Variants in NOL4 observed in about 807,000 individuals in gnomAD.
NOL4 encodes cancer/testis antigen 125.
A neutral mutation model predicts 75.9 loss-of-function variants in NOL4; 17 were observed. The ratio of observed to expected loss-of-function variants is 0.22; its 90% confidence interval spans 0.15 to 0.34. The LOEUF (loss-of-function observed/expected upper bound fraction) is 0.34. Among genes scored for constraint, NOL4 ranks in the 10% least tolerant of loss-of-function variants. The pLI is 1.00. For synonymous variants in NOL4, 292 were observed against 289.9 expected, an observed-to-expected ratio of 1.01 and a Z score of -0.07; for missense variants, 614 against 793.5, an observed-to-expected ratio of 0.77 and a Z score of 2.72.
At chr18:34,135,534 A>G (rs2145942795) in intron 1 of NOL4, among the ~76,000 whole-genome samples, 1 of 151,862 alleles carries the variant, frequency 6.6e-6, no homozygotes, top group Admixed American at 6.6e-5. Flanking sequence ...TGTCTCTACT[A>G]AAAATACAAA....
At chr18:33,908,881 T>C (rs920688231) in intron 9 of NOL4, among the ~76,000 whole-genome samples, 4 of 152,132 alleles carry the variant, frequency 2.6e-5, no homozygotes, top group Non-Finnish European at 5.9e-5. Context: ...TGCTCTTTGT[T>C]AATATTCCCT....
chr18:34,176,834 G>A (rs1277472715), intron 1 of NOL4, among the ~76,000 whole-genome samples: 2 of 151,988 alleles, frequency 1.3e-5, no homozygotes, highest in African/African-American at 2.4e-5. Context: ...CCAAGTGTAT[G>A]GTATTTTGTT....
chr18:33,883,323 A>C lies in NOL4; in HGVS notation c.1644T>G (p.Asn548Lys). 2 of 1,613,284 alleles carry C rather than the reference A, an allele frequency of 1.2e-6. No individual in the cohort carries two copies. The highest frequency in any genetic ancestry group is 1.7e-6 in the Non-Finnish European group (2 of 1,179,530). ...VPGSQDVLYI[N>K]GNGTYSYHSY... ...TATGGTAACTATAGGTCCCATTTCC[A>C]TTGATGTACAGCACGTCCTGTGAGC... Residue 548 changes from asparagine (N) to lysine (K), a missense_variant, in exon 10 of 11, where the codon AAT becomes AAG. By Grantham distance (94) the Asn-to-Lys change is moderately conservative (BLOSUM62 0). Around this residue, in one of 9 missense-constraint regions of NOL4, gnomAD observed 128 missense variants for 159.9 expected, o/e 0.80. Transcript: ENST00000261592.
chr18:34,057,154 T>G (rs2076865345), intron 5 of NOL4, among the ~76,000 whole-genome samples: 1 of 152,286 alleles, frequency 6.6e-6, no homozygotes, highest in African/African-American at 2.4e-5. Flanking sequence ...GGAATTTCAG[T>G]TAAGCATCAC....
At chr18:34,043,502 C>G (rs1326824799) in intron 5 of NOL4, among the ~76,000 whole-genome samples, 1 of 151,956 alleles carries the variant, frequency 6.6e-6, no homozygotes, top group African/African-American at 2.4e-5. Flanking sequence ...TTCACCTATT[C>G]TTGTAGGATA....
chr18:33,976,632 T>C (rs1218801656), intron 6 of NOL4, among the ~76,000 whole-genome samples: 1 of 152,156 alleles, frequency 6.6e-6, no homozygotes, highest in African/African-American at 2.4e-5. Flanking sequence ...TGATGTTTGA[T>C]GATGAAAAAA....
intron 1 of NOL4, chr18:34,158,679 TA>T (rs1465517661): frequency 6.6e-6 from 1 of 152,192 alleles, no homozygotes; most frequent in Non-Finnish European, 1.5e-5. Context: ...AACATTCCTA[TA>T]AATAGCTATA....
Position 34,084,318 on chromosome 18 carries a change from G to T in NOL4, c.772+9147C>A, listed in dbSNP as rs531570264. Among the ~76,000 whole-genome samples, 20 of 152,228 alleles carry T rather than the reference G, an allele frequency of 1.3e-4. No homozygotes were observed. In the South Asian group the frequency reaches 3.9e-3, roughly 30 times the overall value. Reference sequence around the variant, plus strand: ...ACTGCGGTCGCCCTTCCTCCTAGGGGCTCTTCTCAGGGATACCAGAGTTCT... The same window carrying T: ...ACTGCGGTCGCCCTTCCTCCTAGGGTCTCTTCTCAGGGATACCAGAGTTCT... On this transcript the variant is annotated intron_variant, in intron 5 of 10. Transcript: ENST00000261592.
At position 33,977,319 on chromosome 18, in the gene NOL4, C is replaced by A. The variant is rs188810515; in HGVS notation, c.1057-18901G>T. Reference sequence around the variant, plus strand: ...TGAATTGTAGCAACCATAATCCCCACGTGTCATGGAGGGACCCAATGGGAG... The same window carrying A: ...TGAATTGTAGCAACCATAATCCCCAAGTGTCATGGAGGGACCCAATGGGAG... On this transcript the variant is annotated intron_variant, in intron 6 of 10. Transcript: ENST00000261592. 7.4e-4 allele frequency among the ~76,000 whole-genome samples: 112 copies of A among 152,272 alleles called. 1 individual carries two copies. The highest frequency in any genetic ancestry group is 3.5e-4 in the Non-Finnish European group (24 of 68,016).
At chr18:33,948,124 T>C (rs2068964529) in intron 8 of NOL4, among the ~76,000 whole-genome samples, 1 of 151,944 alleles carries the variant, frequency 6.6e-6, no homozygotes, top group Non-Finnish European at 1.5e-5. Flanking sequence ...CATGGGTTAA[T>C]GTGGTGATGC....
chr18:34,223,297 C>A lies in NOL4; in HGVS notation c.-44G>T, dbSNP rs962508098. Reference sequence around the variant, plus strand: ...CTGGCCGGATGCTCCCAGCGCACTTCGCACCTGTTCACCCTAGGCTCATGA... The same window carrying A: ...CTGGCCGGATGCTCCCAGCGCACTTAGCACCTGTTCACCCTAGGCTCATGA... On this transcript the variant is annotated 5_prime_UTR_variant, in exon 1 of 11. Transcript: ENST00000261592. 12 of 1,601,316 alleles carry A rather than the reference C, an allele frequency of 7.5e-6. No homozygotes were observed. In the Admixed American group the frequency reaches 1.7e-4, roughly 22 times the overall value.
intron 6 of NOL4, among the ~76,000 whole-genome samples, chr18:34,015,905 T>C (rs1842695742): frequency 6.6e-6 from 1 of 152,116 alleles, no homozygotes; most frequent in Non-Finnish European, 1.5e-5. Flanking sequence ...TATGCTTTGC[T>C]TTCCATATTC....
Position 34,162,466 on chromosome 18 carries a change from G to A in NOL4, c.265-32446C>T, listed in dbSNP as rs574251509. ...CAGAGAATACTACAAACACCTCTAC[G>A]CAAATAAACTAGAAAATCTAGAAGA... On this transcript the variant is annotated intron_variant, in intron 1 of 10. Transcript: ENST00000261592. Among the ~76,000 whole-genome samples, 24 of 152,212 alleles carry A rather than the reference G, an allele frequency of 1.6e-4. No homozygotes were observed. The South Asian group carries it at 2.5e-3, about 16-fold the overall frequency.
intron 6 of NOL4, among the ~76,000 whole-genome samples, chr18:33,995,706 T>C (rs2146166927): frequency 6.6e-6 from 1 of 152,024 alleles, no homozygotes; most frequent in East Asian, 1.9e-4. Flanking sequence ...ATGAATGTAT[T>C]GTTTAATTTC....
intron 6 of NOL4, among the ~76,000 whole-genome samples, chr18:34,006,410 G>T (rs894424937): frequency 1.3e-5 from 2 of 152,006 alleles, no homozygotes; most frequent in Non-Finnish European, 2.9e-5. Context: ...CACCAGTGTG[G>T]CTGGGCATTA....
intron 7 of NOL4, 108 bp from the exon 8 acceptor site, chr18:33,957,625 C>CATAA: frequency 2.4e-6 from 2 of 829,282 alleles, no homozygotes; most frequent in Non-Finnish European, 3.5e-6. Context: ...CTGGTTTATG[C>CATAA]ACTGGAGAAC....
rs146334676 is a variant in NOL4 at position 34,174,331 on chromosome 18, A to G, written c.265-44311T>C. On this transcript the variant is annotated intron_variant, in intron 1 of 10. Transcript: ENST00000261592. ...ATAAAAAATTTTAAAACTGGCAAACACTGTCAAAATCAACTTTTCAAAAAC... is the reference window on the plus strand; with the variant it reads ...ATAAAAAATTTTAAAACTGGCAAACGCTGTCAAAATCAACTTTTCAAAAAC... Among the ~76,000 whole-genome samples, 11 of 152,284 alleles carry G rather than the reference A, an allele frequency of 7.2e-5. 1 individual carries two copies. In the South Asian group the frequency reaches 8.3e-4, roughly 11 times the overall value.
chr18:33,988,013 C>A (rs2072600431), intron 6 of NOL4, among the ~76,000 whole-genome samples: 1 of 152,108 alleles, frequency 6.6e-6, no homozygotes, highest in Non-Finnish European at 1.5e-5. Flanking sequence ...CTCGTCATTT[C>A]CTGCCATTTT....
chr18:34,113,043 G>C (rs1018584935), intron 2 of NOL4, among the ~76,000 whole-genome samples: 1 of 152,168 alleles, frequency 6.6e-6, no homozygotes, highest in Non-Finnish European at 1.5e-5. Flanking sequence ...ACAGCTCACT[G>C]TAGACTCAAA....
Sources: gnomAD v4.1 joint callset for allele counts (sites outside exome capture counted in the v4.1 genomes callset) on GRCh38, gnomAD v4.1.1 for gene constraint, gnomAD v4.1.1 regional missense constraint, MANE v1.5 for transcripts, NCBI Gene and HGNC (gene_info 2026-07-23, HGNC 2026-07-21) for gene names.